Variants in SLC24A3 observed in about 807,000 individuals in gnomAD.
SLC24A3 encodes solute carrier family 24 member 3, also known as sodium/potassium/calcium exchanger 3.
Under a neutral mutation model 75.8 loss-of-function variants are expected in SLC24A3, and 28 were observed. The observed-to-expected ratio is 0.37, with a 90% confidence interval of 0.27 to 0.51. The LOEUF (loss-of-function observed/expected upper bound fraction) is 0.51, where lower values mean the gene tolerates loss of function less well. Among genes scored for constraint, SLC24A3 ranks in the 20% least tolerant of loss-of-function variants. SLC24A3 has a pLI of 0.94. For synonymous variants in SLC24A3, 372 were observed against 334.1 expected, an observed-to-expected ratio of 1.11 and a Z score of -1.24; for missense variants, 663 against 847.8, an observed-to-expected ratio of 0.78 and a Z score of 2.71.
chr20:19,472,331 G>C (rs560285180), intron 2 of SLC24A3, among the ~76,000 whole-genome samples: 10 of 152,342 alleles, frequency 6.6e-5, no homozygotes, highest in Admixed American at 3.9e-4. Flanking sequence ...AAAACTGAAG[G>C]CACATTTAAA....
intron 8 of SLC24A3, among the ~76,000 whole-genome samples, chr20:19,671,852 G>A (rs900007831): frequency 6.6e-6 from 1 of 152,098 alleles, no homozygotes; most frequent in Non-Finnish European, 1.5e-5. Context: ...AGGTCACCTA[G>A]GGAGAAAACA....
chr20:19,667,927 G>T (rs759569146), intron 8 of SLC24A3, among the ~76,000 whole-genome samples: 3 of 152,154 alleles, frequency 2.0e-5, no homozygotes, highest in Non-Finnish European at 4.4e-5. Context: ...CAGAGCCCTC[G>T]CCCTGAGCAC....
chr20:19,311,769 T>C lies in SLC24A3; in HGVS notation c.271+30682T>C, dbSNP rs368875070. Reference sequence around the variant, plus strand: ...GTATGCAGCTCTCTTTTTTCCCCTATGGCCAGCAGGGAATTCATCTGCCAC... The same window carrying C: ...GTATGCAGCTCTCTTTTTTCCCCTACGGCCAGCAGGGAATTCATCTGCCAC... On this transcript the variant is annotated intron_variant, in intron 2 of 16. Transcript: ENST00000328041. Among the ~76,000 whole-genome samples, 183 of 152,296 alleles carry C rather than the reference T, an allele frequency of 1.2e-3. 7 individuals are homozygous for C. Among genetic ancestry groups the C allele is most frequent in the South Asian group, 9.1e-3 (44 of 4,820 alleles).
At chr20:19,720,572 C>T (rs573893937) in intron 16 of SLC24A3, among the ~76,000 whole-genome samples, 3 of 151,966 alleles carry the variant, frequency 2.0e-5, no homozygotes, top group Non-Finnish European at 2.9e-5. Flanking sequence ...CAGACGCAGC[C>T]GTAGGAAGAG....
intron 1 of SLC24A3, among the ~76,000 whole-genome samples, chr20:19,251,128 T>C (rs911349805): frequency 6.6e-6 from 1 of 152,192 alleles, no homozygotes; most frequent in African/African-American, 2.4e-5. Flanking sequence ...CAGCTGCCCA[T>C]GAACGCTGCT....
intron 2 of SLC24A3, among the ~76,000 whole-genome samples, chr20:19,287,530 A>G (rs1242842446): frequency 6.6e-6 from 1 of 152,182 alleles, no homozygotes; most frequent in Non-Finnish European, 1.5e-5. Flanking sequence ...TGCTTATCTC[A>G]TTTTCAAAAG....
At chr20:19,413,137 G>A (rs1485930410) in intron 2 of SLC24A3, among the ~76,000 whole-genome samples, 1 of 152,156 alleles carries the variant, frequency 6.6e-6, no homozygotes, top group Non-Finnish European at 1.5e-5. Flanking sequence ...CGTTGAGAAA[G>A]ACCAAACCCA....
intron 1 of SLC24A3, among the ~76,000 whole-genome samples, chr20:19,250,349 T>C (rs1982613663): frequency 6.6e-6 from 1 of 152,206 alleles, no homozygotes; most frequent in South Asian, 2.1e-4. Flanking sequence ...TGGGATACAG[T>C]CCCCATCTTG....
intron 3 of SLC24A3, among the ~76,000 whole-genome samples, chr20:19,577,201 C>T (rs748350525): frequency 7.2e-5 from 11 of 151,978 alleles, no homozygotes; most frequent in Non-Finnish European, 1.3e-4. Context: ...AGTACAGGAG[C>T]CCACCACCAC....
chr20:19,591,626 A>G (rs2122644466), intron 6 of SLC24A3, among the ~76,000 whole-genome samples: 1 of 152,218 alleles, frequency 6.6e-6, no homozygotes, highest in South Asian at 2.1e-4. Context: ...CCATAGCATC[A>G]TCAAACAAAA....
chr20:19,409,609 A>G (rs1323455265), intron 2 of SLC24A3, among the ~76,000 whole-genome samples: 1 of 152,208 alleles, frequency 6.6e-6, no homozygotes, highest in East Asian at 1.9e-4. Context: ...CAAGCAAGGA[A>G]AAATAACCCA....
intron 2 of SLC24A3, among the ~76,000 whole-genome samples, chr20:19,394,028 A>G (rs1986408379): frequency 6.6e-6 from 1 of 152,196 alleles, no homozygotes; most frequent in African/African-American, 2.4e-5. Flanking sequence ...AATGGAATAG[A>G]ATAGGTAGCC....
intron 12 of SLC24A3, among the ~76,000 whole-genome samples, chr20:19,686,749 G>C (rs916377932): frequency 3.3e-5 from 5 of 152,092 alleles, no homozygotes; most frequent in Admixed American, 3.3e-4. Context: ...TGCCCACTCA[G>C]GGCACCCAAG....
chr20:19,534,038 G>A (rs149934860), intron 3 of SLC24A3, among the ~76,000 whole-genome samples: 1 of 152,360 alleles, frequency 6.6e-6, no homozygotes, highest in African/African-American at 2.4e-5. Flanking sequence ...TATCTGTTAT[G>A]CTCATTTGTC....
intron 10 of SLC24A3, among the ~76,000 whole-genome samples, chr20:19,683,075 C>T (rs994483357): frequency 6.6e-6 from 1 of 152,044 alleles, no homozygotes; most frequent in African/African-American, 2.4e-5. Flanking sequence ...TCAAATACAT[C>T]TATGGGTTAT....
At chr20:19,476,061 G>A (rs1330610382) in intron 2 of SLC24A3, among the ~76,000 whole-genome samples, 1 of 152,196 alleles carries the variant, frequency 6.6e-6, no homozygotes, top group Non-Finnish European at 1.5e-5. Flanking sequence ...AACTCACTGT[G>A]GATGTAACAT....
chr20:19,611,848 C>T (rs1457484709), intron 6 of SLC24A3, among the ~76,000 whole-genome samples: 1 of 152,196 alleles, frequency 6.6e-6, no homozygotes, highest in Non-Finnish European at 1.5e-5. Flanking sequence ...TTGGCCTCTT[C>T]CTCCTTTACA....
chr20:19,346,160 G>A lies in SLC24A3; in HGVS notation c.271+65073G>A, dbSNP rs62200370. Among the ~76,000 whole-genome samples the A allele has an allele frequency of 4.6e-5, 2 of 43,032 alleles. 1 individual carries two copies. The highest frequency in any genetic ancestry group is 4.3e-4 in the African/African-American group (2 of 4,652). 28.2% of individuals were successfully genotyped at this position (43,032 alleles called of 152,430 possible). On this transcript the variant is annotated intron_variant, in intron 2 of 16. Coordinates refer to ENST00000328041, the MANE Select transcript of SLC24A3 (RefSeq NM_020689.4). ...TATGGTGTGTGTATATATATATGGT[G>A]TATATATATGGTATATATATATGGT...
intron 6 of SLC24A3, among the ~76,000 whole-genome samples, chr20:19,618,430 T>TA (rs1020885019): frequency 2.9e-4 from 44 of 152,302 alleles, no homozygotes; most frequent in Admixed American, 1.2e-3. Context: ...TCTGTGCATG[T>TA]ATCCTAATTT....
Sources: gnomAD v4.1 joint callset for allele counts (sites outside exome capture counted in the v4.1 genomes callset) on GRCh38, gnomAD v4.1.1 for gene constraint, MANE v1.5 for transcripts, NCBI Gene and HGNC (gene_info 2026-07-23, HGNC 2026-07-21) for gene names.